Variants in SLC44A5 observed in about 807,000 individuals in gnomAD.
SLC44A5 encodes the protein choline transporter-like protein 5.
A neutral mutation model predicts 101.8 loss-of-function variants in SLC44A5; 57 were observed. The observed-to-expected ratio is 0.56, with a 90% CI of 0.45 to 0.70. The LOEUF (loss-of-function observed/expected upper bound fraction) is 0.70. SLC44A5 is among the 30% of genes least tolerant of loss of function. SLC44A5 has a pLI of 0.00. For synonymous variants in SLC44A5, 281 were observed against 290.9 expected, an observed-to-expected ratio of 0.97 and a Z score of 0.35; for missense variants, 737 against 853.1, an observed-to-expected ratio of 0.86 and a Z score of 1.70.
chr1:75,426,327 GTAGT>G (rs1019498532), intron 2 of SLC44A5, among the ~76,000 whole-genome samples: 1 of 152,322 alleles, frequency 6.6e-6, no homozygotes, highest in East Asian at 1.9e-4. Flanking sequence ...CTTTTAGGAA[GTAGT>G]TAGTTGTTTA....
chr1:75,667,056 T>C, the SLC44A5 span, among the ~76,000 whole-genome samples: 5 of 152,206 alleles, frequency 3.3e-5, no homozygotes, highest in Admixed American at 6.5e-5. Flanking sequence ...TCACCACTGC[T>C]ATTCAAGATA....
intron 23 of SLC44A5, chr1:75,204,904 T>C (rs562006152): frequency 6.6e-6 from 1 of 152,292 alleles, no homozygotes; most frequent in African/African-American, 2.4e-5. Flanking sequence ...CAAACATCTA[T>C]AGTTATAACA....
chr1:75,258,404 C>CGTTGGGAACAAAGTT (rs1159694631), intron 6 of SLC44A5, among the ~76,000 whole-genome samples: 2 of 151,886 alleles, frequency 1.3e-5, no homozygotes, highest in East Asian at 1.9e-4. Context: ...TTTACAAAGT[C>CGTTGGGAACAAAGTT]GTTGGGAAGT....
chr1:75,535,985 G>T (rs1048028172), intron 2 of SLC44A5, among the ~76,000 whole-genome samples: 3 of 150,590 alleles, frequency 2.0e-5, no homozygotes, highest in Non-Finnish European at 4.4e-5. Flanking sequence ...GAGGCGGGAG[G>T]ATTGTTTGAG....
intron 12 of SLC44A5, among the ~76,000 whole-genome samples, chr1:75,229,996 T>C (rs756590414): frequency 3.3e-5 from 5 of 152,202 alleles, no homozygotes; most frequent in Non-Finnish European, 7.3e-5. Context: ...TTCTATTTCT[T>C]TGAACCACAC....
intron 2 of SLC44A5, among the ~76,000 whole-genome samples, chr1:75,506,469 C>A (rs1669264042): frequency 6.6e-6 from 1 of 152,140 alleles, no homozygotes; most frequent in Admixed American, 6.5e-5. Flanking sequence ...ATTAATTTTT[C>A]CAATTGACGA....
intron 2 of SLC44A5, among the ~76,000 whole-genome samples, chr1:75,458,217 G>T (rs377204577): frequency 6.6e-6 from 1 of 152,170 alleles, no homozygotes; most frequent in African/African-American, 2.4e-5. Flanking sequence ...ACAAGTGCAG[G>T]CTTGGAGGTG....
At chr1:75,569,306 T>C (rs1672951061) in intron 1 of SLC44A5, among the ~76,000 whole-genome samples, 1 of 144,556 alleles carries the variant, frequency 6.9e-6, no homozygotes, top group Non-Finnish European at 1.5e-5. Flanking sequence ...AGCAGCATAA[T>C]CATGGCTCAC....
At position 75,389,157 on chromosome 1, in the gene SLC44A5, A is replaced by G. The variant is rs1661617407; in HGVS notation, c.52+7426T>C. ...TTTGCCCTAAATATATACGCACTCA[A>G]CACTGGAGCACTCAGATTCATAAAA... On this transcript the variant is annotated intron_variant, in intron 3 of 23. Transcript: ENST00000370859. Among the ~76,000 whole-genome samples, 3 of 152,344 alleles carry G rather than the reference A, an allele frequency of 2.0e-5. No homozygotes were observed. In the South Asian group the frequency reaches 6.2e-4, roughly 32 times the overall value.
chr1:75,676,169 C>G, the SLC44A5 span, among the ~76,000 whole-genome samples: 11 of 152,094 alleles, frequency 7.2e-5, no homozygotes, highest in Admixed American at 5.9e-4. Flanking sequence ...CTGGAAATAC[C>G]GTTTGATGCA....
intron 3 of SLC44A5, among the ~76,000 whole-genome samples, chr1:75,343,409 T>C (rs1471216423): frequency 1.3e-5 from 2 of 152,182 alleles, no homozygotes; most frequent in African/African-American, 2.4e-5. Flanking sequence ...AGATTTCACA[T>C]GGCTCCATTG....
chr1:75,565,183 G>A (rs1440464306), intron 1 of SLC44A5, among the ~76,000 whole-genome samples: 2 of 152,100 alleles, frequency 1.3e-5, no homozygotes, highest in African/African-American at 2.4e-5. Flanking sequence ...TACTTTTCCC[G>A]ACCATAACTG....
In SLC44A5 at chr1:75,219,293, C is replaced by A. The variant is rs780254424; in HGVS notation, c.1230G>T (p.Gly410=). ...VPVYKVIAPG[G]HCIHENQTCD... ...AGGTTTGATTTTCATGTATACAATGCCCCCCTGGAGCTATGACTTTGTATA... is the reference window on the plus strand; with the variant it reads ...AGGTTTGATTTTCATGTATACAATGACCCCCTGGAGCTATGACTTTGTATA... Residue 410 remains glycine, a synonymous_variant, in exon 16 of 24, where the codon GGG becomes GGT. Coordinates refer to ENST00000370859, the MANE Select transcript of SLC44A5 (RefSeq NM_001130058.2). The A allele has an allele frequency of 1.2e-6, 2 of 1,612,564 alleles. No homozygotes were observed. The highest frequency in any genetic ancestry group is 2.7e-5 in the African/African-American group (2 of 74,942).
At chr1:75,645,731 C>T in the SLC44A5 span, among the ~76,000 whole-genome samples, 12 of 136,184 alleles carry the variant, frequency 8.8e-5, 2 homozygotes, top group African/African-American at 3.0e-4. Context: ...GATGGTATTG[C>T]CTAGGTTTTC....
chr1:75,653,194 C>A, the SLC44A5 span, among the ~76,000 whole-genome samples: 1 of 152,116 alleles, frequency 6.6e-6, no homozygotes, highest in African/African-American at 2.4e-5. Context: ...CAGAAACTCA[C>A]TCAAAAATGA....
intron 4 of SLC44A5, among the ~76,000 whole-genome samples, chr1:75,329,640 C>T (rs899163877): frequency 6.6e-6 from 1 of 152,088 alleles, no homozygotes; most frequent in African/African-American, 2.4e-5. Flanking sequence ...AACTAATGCA[C>T]AATCTGGAAT....
At chr1:75,601,386 G>C (rs1464622787) in intron 1 of SLC44A5, among the ~76,000 whole-genome samples, 1 of 147,836 alleles carries the variant, frequency 6.8e-6, no homozygotes, top group African/African-American at 2.5e-5. Context: ...GGGCTGGGGG[G>C]CTGGGGGGCT....
intron 1 of SLC44A5, among the ~76,000 whole-genome samples, chr1:75,586,807 G>A (rs1322124353): frequency 6.6e-6 from 1 of 152,110 alleles, no homozygotes; most frequent in Non-Finnish European, 1.5e-5. Flanking sequence ...TGTACCCCAA[G>A]GGCCTAGCAC....
At chr1:75,384,918 C>T (rs1252783651) in intron 3 of SLC44A5, among the ~76,000 whole-genome samples, 1 of 151,030 alleles carries the variant, frequency 6.6e-6, no homozygotes, top group Non-Finnish European at 1.5e-5. Context: ...CAAAACCACT[C>T]AACTACATGG....
Sources: gnomAD v4.1 joint callset for allele counts (sites outside exome capture counted in the v4.1 genomes callset) on GRCh38, gnomAD v4.1.1 for gene constraint, MANE v1.5 for transcripts, NCBI Gene and HGNC (gene_info 2026-07-23, HGNC 2026-07-21) for gene names.